Variants in FBXO31 observed in about 807,000 individuals in gnomAD.
FBXO31 encodes the protein F-box protein 31.
FBXO31 carries 24 observed loss-of-function variants against 54.4 expected under a neutral mutation model. The observed-to-expected ratio is 0.44, with a 90% CI of 0.32 to 0.62. The LOEUF (loss-of-function observed/expected upper bound fraction) is 0.62, where lower values mean the gene tolerates loss of function less well. Ranked by LOEUF, FBXO31 falls within the 20% of genes least tolerant of loss-of-function variation. The pLI is 0.05. For synonymous variants in FBXO31, 388 were observed against 335.6 expected (o/e 1.16, Z -1.71); for missense variants, 665 against 787.1 (o/e 0.84, Z 1.86).
rs1023667583 is a variant in FBXO31 at position 87,348,117 on chromosome 16, C to T, written c.413-867G>A. Reference sequence around the variant, plus strand: ...TGGGCCACTGCACCAGCTGCCTCCCCTTCAGGCAGGCCTGAACCCCCAGCC... The same window carrying T: ...TGGGCCACTGCACCAGCTGCCTCCCTTTCAGGCAGGCCTGAACCCCCAGCC... On this transcript the variant is annotated intron_variant, in intron 2 of 8. Transcript: ENST00000311635. Among the ~76,000 whole-genome samples the T allele has an allele frequency of 5.6e-4, 85 of 152,278 alleles. 1 individual carries two copies. Among genetic ancestry groups the T allele is most frequent in the African/African-American group, 1.7e-3 (72 of 41,582 alleles).
intron 1 of FBXO31, among the ~76,000 whole-genome samples, chr16:87,377,796 T>G (rs1768852578): frequency 6.6e-6 from 1 of 150,654 alleles, no homozygotes; most frequent in South Asian, 2.1e-4. Flanking sequence ...ACCACTACAC[T>G]CTAGCCTGGG....
In FBXO31 at chr16:87,335,272, G is replaced by A. The variant is rs749131307; in HGVS notation, c.996+32C>T. On this transcript the variant is annotated intron_variant, in intron 7 of 8. Coordinates refer to ENST00000311635, the MANE Select transcript of FBXO31 (RefSeq NM_024735.5). The surrounding 1 kb of genome is among the most constrained non-coding windows in gnomAD (Gnocchi z 5.7). ...AGCCCACTTGGGCCAGGTGCCCCCAGAGCCCCACCAACCAGGTCAGCCGCC... is the reference window on the plus strand; with the variant it reads ...AGCCCACTTGGGCCAGGTGCCCCCAAAGCCCCACCAACCAGGTCAGCCGCC... 3.1e-6 allele frequency: 5 copies of A among 1,610,366 alleles called. No homozygotes were observed. The highest frequency in any genetic ancestry group is 2.2e-5 in the East Asian group (1 of 44,874).
At chr16:87,347,066 G>T in intron 3 of FBXO31, 108 bp downstream of exon 3, 2 of 968,826 alleles carry the variant, frequency 2.1e-6, no homozygotes, top group Non-Finnish European at 3.3e-6. Context: ...TACCTCAAAC[G>T]CACATCTGGG....
upstream of FBXO31, chr16:87,384,218 A>T (rs192568538): frequency 2.8e-4 from 42 of 152,482 alleles, no homozygotes; most frequent in African/African-American, 9.9e-4. Flanking sequence ...GATGCGCCTT[A>T]CAGCCTCCAA....
At chr16:87,387,874 G>GA (rs1907380572), upstream of FBXO31, among the ~76,000 whole-genome samples, 1 of 152,110 alleles carries the variant, frequency 6.6e-6, no homozygotes, top group Non-Finnish European at 1.5e-5. Context: ...ATCCGGATGT[G>GA]AAAAAATGGG....
At chr16:87,343,300 C>G (rs1714548462) in intron 4 of FBXO31, among the ~76,000 whole-genome samples, 2 of 152,254 alleles carry the variant, frequency 1.3e-5, no homozygotes, top group Admixed American at 1.3e-4. Context: ...AGAGAGCGCA[C>G]TTGATTCCAC....
At chr16:87,376,830 T>C (rs746114802) in intron 1 of FBXO31, among the ~76,000 whole-genome samples, 3 of 152,268 alleles carry the variant, frequency 2.0e-5, no homozygotes, top group Non-Finnish European at 4.4e-5. Context: ...TGAACTGGCC[T>C]GCCCTTGGCC....
chr16:87,347,293 C>A (rs185593193), intron 2 of FBXO31, 43 bp from the exon 3 acceptor site: 3 of 1,584,370 alleles, frequency 1.9e-6, no homozygotes, highest in Non-Finnish European at 2.6e-6. Context: ...TTAGACCCAG[C>A]GTGCCGCAGG....
upstream of FBXO31, among the ~76,000 whole-genome samples, chr16:87,385,626 A>G (rs1344706696): frequency 1.3e-5 from 2 of 152,250 alleles, no homozygotes; most frequent in Non-Finnish European, 2.9e-5. Context: ...TGGATGATCA[A>G]AGGTTCTTTG....
At chr16:87,360,525 T>A (rs1190438703) in intron 1 of FBXO31, 159 bp from the exon 2 acceptor site, 1 of 645,566 alleles carries the variant, frequency 1.5e-6, no homozygotes, top group Non-Finnish European at 2.8e-6. Context: ...CTTCTCCACA[T>A]TCAGTAAACA....
chr16:87,350,647 A>G (rs1339708269), intron 2 of FBXO31, among the ~76,000 whole-genome samples: 1 of 152,188 alleles, frequency 6.6e-6, no homozygotes, highest in African/African-American at 2.4e-5. Flanking sequence ...CGGCTGGGTG[A>G]TAACAAAATG....
chr16:87,357,531 T>A (rs560529666), intron 2 of FBXO31, among the ~76,000 whole-genome samples: 3 of 152,200 alleles, frequency 2.0e-5, no homozygotes, highest in South Asian at 4.1e-4. Flanking sequence ...TTTCACCATG[T>A]TGGCCAGACA....
At chr16:87,357,460 CT>C (rs1905946650) in intron 2 of FBXO31, among the ~76,000 whole-genome samples, 1 of 151,668 alleles carries the variant, frequency 6.6e-6, no homozygotes. Context: ...CTCTGGGTAC[CT>C]GGGATTACAA....
At chr16:87,383,855 GC>G (rs1372003343), upstream of FBXO31, 1 of 783,884 alleles carries the variant, frequency 1.3e-6, no homozygotes, top group East Asian at 6.1e-5. The surrounding 1 kb of genome is among the most constrained non-coding windows in gnomAD (Gnocchi z 4.9). Context: ...CCCCTGGAGA[GC>G]CTAGCCCCGC....
intron 2 of FBXO31, among the ~76,000 whole-genome samples, chr16:87,350,141 G>A (rs973273957): frequency 4.6e-5 from 7 of 152,022 alleles, no homozygotes; most frequent in East Asian, 1.9e-4. Context: ...CAGGCAGTGG[G>A]GGCCATGGGG....
intron 1 of FBXO31, chr16:87,388,881 G>C (rs1160843624): frequency 6.6e-6 from 1 of 152,136 alleles, no homozygotes; most frequent in Non-Finnish European, 1.5e-5. Flanking sequence ...TGAAAGATGT[G>C]TTCTTGCTTT....
intron 2 of FBXO31, among the ~76,000 whole-genome samples, chr16:87,353,699 C>A (rs944922293): frequency 1.3e-5 from 2 of 151,396 alleles, no homozygotes; most frequent in Non-Finnish European, 2.9e-5. Context: ...GGAGGCTCCG[C>A]AAGACCCTTC....
chr16:87,377,726 G>A (rs773859420), intron 1 of FBXO31, among the ~76,000 whole-genome samples: 1 of 151,896 alleles, frequency 6.6e-6, no homozygotes, highest in Non-Finnish European at 1.5e-5. Context: ...CTTCTTGGGA[G>A]GCTGAGGTGG....
rs906136648 is a variant in FBXO31, at chr16:87,330,355, G to A, written c.*933C>T. The A allele has an allele frequency of 6.6e-6, 1 of 152,238 alleles. No individual in the cohort carries two copies. Among genetic ancestry groups the A allele is most frequent in the Non-Finnish European group, 1.5e-5 (1 of 68,050 alleles). The allele number at this position is 152,238 out of a possible 1,614,324, so 9.4% of individuals were successfully genotyped here. ...AGGGGTTTCCTCGTCATCTCATATG[G>A]GCACTCCTGGCACCTGTGTGGACCA... is the stretch of plus-strand genomic sequence containing the variant. On this transcript the variant is annotated 3_prime_UTR_variant, in exon 9 of 9. Coordinates refer to ENST00000311635, the MANE Select transcript of FBXO31 (RefSeq NM_024735.5).
Sources: allele counts gnomAD v4.1 joint callset (sites outside exome capture counted in the v4.1 genomes callset), GRCh38; gene constraint gnomAD v4.1.1; non-coding constraint Gnocchi (gnomAD v3.1); transcripts MANE v1.5; gene names NCBI Gene and HGNC (gene_info 2026-07-23, HGNC 2026-07-21).